The following KCNIP3 variants were observed in gnomAD, a reference collection of about 807,000 sequenced individuals.
The protein encoded by KCNIP3 is potassium voltage-gated channel interacting protein 3.
In KCNIP3, 28 loss-of-function variants were observed where a neutral mutation model predicts 35.0. That is an observed-to-expected ratio of 0.80 (90% confidence interval 0.59 to 1.10). KCNIP3 has a LOEUF of 1.10. KCNIP3 is among the 50% of genes least tolerant of loss of function. The pLI is 0.00. For missense variants in KCNIP3, 295 were observed against 338.4 expected, an observed-to-expected ratio of 0.87 and a Z score of 1.01; for synonymous variants, 134 against 133.8, an observed-to-expected ratio of 1.00 and a Z score of -0.01.
intron 3 of KCNIP3, 39 bp downstream of exon 3, chr2:95,374,459 C>T: frequency 6.2e-7 from 1 of 1,606,128 alleles, no homozygotes; most frequent in Non-Finnish European, 8.5e-7. Context: ...GCCTTGGAGA[C>T]CCTGGCTCAG....
chr2:95,328,624 G>T (rs189398773), intron 2 of KCNIP3, among the ~76,000 whole-genome samples: 3 of 152,252 alleles, frequency 2.0e-5, no homozygotes, highest in Non-Finnish European at 4.4e-5. Context: ...CGTGCTCACC[G>T]CCTTCAGGTC....
chr2:95,371,184 T>A (rs1680033891), intron 2 of KCNIP3, among the ~76,000 whole-genome samples: 1 of 152,260 alleles, frequency 6.6e-6, no homozygotes, highest in Admixed American at 6.5e-5. Context: ...ATGTCATTGC[T>A]TTTACACCTA....
chr2:95,348,476 A>G (rs943375082), intron 2 of KCNIP3, among the ~76,000 whole-genome samples: 1 of 152,144 alleles, frequency 6.6e-6, no homozygotes, highest in South Asian at 2.1e-4. Flanking sequence ...TGGCTGGTGC[A>G]CAGGGAAGCT....
In KCNIP3 at chr2:95,376,751, C is replaced by T. The variant is rs1680210560; in HGVS notation, c.447+1543C>T. Among the ~76,000 whole-genome samples the T allele has an allele frequency of 2.6e-5, 4 of 152,210 alleles. No individual in the cohort carries two copies. The highest frequency in any genetic ancestry group is 2.0e-4 in the Admixed American group (3 of 15,288). Reference sequence around the variant, plus strand: ...CCCCACAGACTGGGATCCCAGTGGTCACAAAGGATCCTGCCAGGGACGGAG... The same window carrying T: ...CCCCACAGACTGGGATCCCAGTGGTTACAAAGGATCCTGCCAGGGACGGAG... On this transcript the variant is annotated intron_variant, in intron 5 of 8. Transcript: ENST00000295225. The surrounding 1 kb of genome is among the most constrained non-coding windows in gnomAD (Gnocchi z 4.2).
At chr2:95,315,077 G>A (rs568792513) in intron 2 of KCNIP3, among the ~76,000 whole-genome samples, 3 of 152,276 alleles carry the variant, frequency 2.0e-5, no homozygotes, top group African/African-American at 4.8e-5. Context: ...GCTCTATTCC[G>A]TGGTGAAATG....
intron 2 of KCNIP3, among the ~76,000 whole-genome samples, chr2:95,325,462 A>G (rs1250291189): frequency 1.3e-5 from 2 of 152,140 alleles, no homozygotes; most frequent in African/African-American, 4.8e-5. Flanking sequence ...TCCCGTGAGG[A>G]GGGTCCTGGC....
At chr2:95,305,639 C>T (rs1678147720) in intron 1 of KCNIP3, among the ~76,000 whole-genome samples, 1 of 152,194 alleles carries the variant, frequency 6.6e-6, no homozygotes, top group Non-Finnish European at 1.5e-5. Flanking sequence ...AGAGCCACAC[C>T]CCTCTCCCTC....
chr2:95,358,935 C>A (rs1180875277), intron 2 of KCNIP3, among the ~76,000 whole-genome samples: 1 of 152,138 alleles, frequency 6.6e-6, no homozygotes, highest in African/African-American at 2.4e-5. Context: ...GAGTTGGACA[C>A]CTGCCTGGGC....
chr2:95,358,300 G>A (rs1175245416), intron 2 of KCNIP3, among the ~76,000 whole-genome samples: 1 of 152,232 alleles, frequency 6.6e-6, no homozygotes, highest in African/African-American at 2.4e-5. Context: ...TTTCAGCTTA[G>A]TGAATTAAAG....
In KCNIP3 at chr2:95,382,337, C is replaced by A; in HGVS notation, c.556-40C>A. The A allele has an allele frequency of 7.0e-7, 1 of 1,435,072 alleles. No individual in the cohort carries two copies. Among genetic ancestry groups the A allele is most frequent in the Non-Finnish European group, 9.5e-7 (1 of 1,055,556 alleles). The allele number at this position is 1,435,072 out of a possible 1,614,324, so 88.9% of individuals were successfully genotyped here. On this transcript the variant is annotated intron_variant, in intron 6 of 8. Transcript: ENST00000295225. The surrounding 1 kb of genome is among the most constrained non-coding windows in gnomAD (Gnocchi z 4.5). ...GCTCCCTTTGGGCCCTCACAGCCACCCCGGCCTTGCAGCAGGCTCATGCCA... is the reference window on the plus strand; with the variant it reads ...GCTCCCTTTGGGCCCTCACAGCCACACCGGCCTTGCAGCAGGCTCATGCCA...
At chr2:95,330,898 A>C (rs1432980256) in intron 2 of KCNIP3, among the ~76,000 whole-genome samples, 1 of 152,202 alleles carries the variant, frequency 6.6e-6, no homozygotes, top group East Asian at 1.9e-4. Context: ...TTGATGAGTA[A>C]ACGATATATT....
chr2:95,383,994 C>G lies in KCNIP3; in HGVS notation c.724-8C>G. The G allele has an allele frequency of 6.2e-7, 1 of 1,613,698 alleles. No individual in the cohort carries two copies. The highest frequency in any genetic ancestry group is 8.5e-7 in the Non-Finnish European group (1 of 1,179,728). Reference sequence around the variant, plus strand: ...CACCTGAAGGCCTCCCTTCCTCTCTCCATGCAGGATGAGAACATCATGAGC... The same window carrying G: ...CACCTGAAGGCCTCCCTTCCTCTCTGCATGCAGGATGAGAACATCATGAGC... On this transcript the variant is annotated splice_region_variant and splice_polypyrimidine_tract_variant and intron_variant, in intron 8 of 8. Coordinates refer to ENST00000295225, the MANE Select transcript of KCNIP3 (RefSeq NM_013434.5).
intron 2 of KCNIP3, among the ~76,000 whole-genome samples, chr2:95,341,238 C>T (rs917443439): frequency 5.9e-5 from 9 of 152,262 alleles, no homozygotes; most frequent in Middle Eastern, 3.4e-3. Context: ...AAGTGTGTGG[C>T]ACCTCCCCCC....
At chr2:95,331,944 C>T (rs1421089339) in intron 2 of KCNIP3, among the ~76,000 whole-genome samples, 5 of 152,342 alleles carry the variant, frequency 3.3e-5, no homozygotes, top group East Asian at 1.9e-4. Context: ...TGAGTAGGGA[C>T]GCTGACATGC....
chr2:95,380,779 C>G (rs1680317640), intron 5 of KCNIP3, among the ~76,000 whole-genome samples: 1 of 152,142 alleles, frequency 6.6e-6, no homozygotes, highest in African/African-American at 2.4e-5. Flanking sequence ...CTTCTGAAGC[C>G]CAAGGTAGGA....
At chr2:95,318,336 C>G (rs939125663) in intron 2 of KCNIP3, among the ~76,000 whole-genome samples, 2 of 152,154 alleles carry the variant, frequency 1.3e-5, no homozygotes, top group Non-Finnish European at 2.9e-5. Flanking sequence ...CCGTCTCCTT[C>G]CCTCACTGGA....
At chr2:95,325,690 TACACACTCATACATAC>T (rs1678728040) in intron 2 of KCNIP3, among the ~76,000 whole-genome samples, 1 of 142,924 alleles carries the variant, frequency 7.0e-6, no homozygotes, top group African/African-American at 2.6e-5. Flanking sequence ...CTCATACACA[TACACACTCATACATAC>T]ACACAGTCAT....
chr2:95,308,357 T>C (rs1262541247), intron 1 of KCNIP3, among the ~76,000 whole-genome samples: 11 of 152,182 alleles, frequency 7.2e-5, no homozygotes, highest in Non-Finnish European at 1.5e-4. Context: ...GGGTGGATGA[T>C]GACTGTGAGC....
intron 2 of KCNIP3, chr2:95,313,052 T>C (rs545949958): frequency 6.6e-6 from 1 of 152,300 alleles, no homozygotes. Context: ...CAAAGAACAA[T>C]GGGGCCCATT....
Sources: allele counts gnomAD v4.1 joint callset (sites outside exome capture counted in the v4.1 genomes callset), GRCh38; gene constraint gnomAD v4.1.1; non-coding constraint Gnocchi (gnomAD v3.1); transcripts MANE v1.5; gene names NCBI Gene and HGNC (gene_info 2026-07-23, HGNC 2026-07-21).